SAMD3: variants seen among roughly 807,000 people sequenced by gnomAD.
SAMD3 encodes sterile alpha motif domain-containing protein 3.
A neutral mutation model predicts 58.5 loss-of-function variants in SAMD3; 63 were observed. The ratio of observed to expected loss-of-function variants is 1.08; its 90% CI spans 0.88 to 1.33. The LOEUF (loss-of-function observed/expected upper bound fraction) is 1.33. Among genes scored for constraint, SAMD3 ranks in the 40% most tolerant of loss-of-function variants. The pLI, the probability that SAMD3 is intolerant of heterozygous loss-of-function variation, is 0.00. For missense variants in SAMD3, 604 were observed against 608.4 expected, an observed-to-expected ratio of 0.99 and a Z score of 0.08; for synonymous variants, 220 against 210.3, an observed-to-expected ratio of 1.05 and a Z score of -0.40.
At chr6:130,224,675 A>G (rs138153645), upstream of SAMD3, among the ~76,000 whole-genome samples, 6,550 of 151,142 alleles carry the variant, frequency 0.043, 465 homozygotes, top group African/African-American at 0.15. Flanking sequence ...CTGGAGTGTA[A>G]TGGCACGATC....
At chr6:130,274,693 G>C (rs1381324650) in intron 2 of SAMD3, among the ~76,000 whole-genome samples, 2 of 151,862 alleles carry the variant, frequency 1.3e-5, no homozygotes, top group Non-Finnish European at 2.9e-5. Flanking sequence ...GTTCATCTGA[G>C]CACTGCAACT....
chr6:130,173,561 A>G (rs1052891654), intron 8 of SAMD3, among the ~76,000 whole-genome samples: 5 of 152,238 alleles, frequency 3.3e-5, no homozygotes, highest in Non-Finnish European at 7.3e-5. Context: ...GCTTCGTCCC[A>G]GAGGGGCACT....
At chr6:130,161,203 G>A (rs990010716) in intron 8 of SAMD3, 10 of 152,198 alleles carry the variant, frequency 6.6e-5, no homozygotes, top group African/African-American at 2.4e-4. Flanking sequence ...AGTTAACAGT[G>A]TTTATTTTGT....
intron 2 of SAMD3, among the ~76,000 whole-genome samples, chr6:130,270,643 G>T (rs6918983): frequency 0.31 from 47,287 of 152,010 alleles, 7,735 homozygotes; most frequent in East Asian, 0.47. Flanking sequence ...TTTTCAGAAA[G>T]TAATCTCCCC....
At chr6:130,217,558 C>T (rs1796067132) in intron 1 of SAMD3, among the ~76,000 whole-genome samples, 1 of 152,136 alleles carries the variant, frequency 6.6e-6, no homozygotes, top group Non-Finnish European at 1.5e-5. Flanking sequence ...GGTAAGACTT[C>T]AGCTAAAGCA....
At chr6:130,169,573 A>T (rs1201989675) in intron 8 of SAMD3, among the ~76,000 whole-genome samples, 1 of 152,144 alleles carries the variant, frequency 6.6e-6, no homozygotes, top group South Asian at 2.1e-4. Context: ...TTCCATTACC[A>T]TTTAACTGCT....
chr6:130,153,173 T>G (rs938172177), intron 9 of SAMD3, among the ~76,000 whole-genome samples: 4 of 150,064 alleles, frequency 2.7e-5, no homozygotes, highest in African/African-American at 9.7e-5. Context: ...ACCGTAAGTT[T>G]GACAGGCTTT....
intron 1 of SAMD3, among the ~76,000 whole-genome samples, chr6:130,352,490 T>C (rs557612134): frequency 5.1e-4 from 77 of 152,228 alleles, no homozygotes; most frequent in African/African-American, 1.7e-3. Flanking sequence ...CTGTTTATGA[T>C]TGCAAATTAC....
chr6:130,293,738 T>C (rs1390490267), intron 2 of SAMD3, among the ~76,000 whole-genome samples: 3 of 151,458 alleles, frequency 2.0e-5, no homozygotes, highest in Non-Finnish European at 4.4e-5. Context: ...AGTGAGTGGA[T>C]TGTGTCACCA....
chr6:130,192,370 C>A (rs1462332043), intron 5 of SAMD3, among the ~76,000 whole-genome samples: 1 of 152,158 alleles, frequency 6.6e-6, no homozygotes, highest in Non-Finnish European at 1.5e-5. Context: ...ACATACACAT[C>A]CAGATGGCCG....
At chr6:130,320,238 G>T (rs577415087) in intron 1 of SAMD3, among the ~76,000 whole-genome samples, 33 of 152,158 alleles carry the variant, frequency 2.2e-4, no homozygotes, top group African/African-American at 7.7e-4. Context: ...AAAGAAATGG[G>T]GGAAATCTGA....
chr6:130,344,785 G>A (rs1259420479), intron 1 of SAMD3, among the ~76,000 whole-genome samples: 6 of 138,178 alleles, frequency 4.3e-5, no homozygotes, highest in African/African-American at 1.4e-4. Context: ...AGGAGAGGGG[G>A]TAGAAGTGAA....
chr6:130,360,270 T>A (rs191928714), intron 1 of SAMD3, among the ~76,000 whole-genome samples: 3 of 152,248 alleles, frequency 2.0e-5, no homozygotes, highest in African/African-American at 4.8e-5. Context: ...CGTTTTCTCA[T>A]GTTCCAAAAG....
At chr6:130,221,096 T>A (rs571033885) in intron 1 of SAMD3, among the ~76,000 whole-genome samples, 7 of 152,066 alleles carry the variant, frequency 4.6e-5, no homozygotes, top group Middle Eastern at 3.4e-3. Context: ...CCTTGTGATC[T>A]GCCCACCTTG....
chr6:130,177,202 A>T (rs1269574967), intron 7 of SAMD3, among the ~76,000 whole-genome samples: 2 of 152,142 alleles, frequency 1.3e-5, no homozygotes, highest in African/African-American at 4.8e-5. Context: ...GCAAGTTCCC[A>T]TGTGATGCTG....
intron 1 of SAMD3, among the ~76,000 whole-genome samples, chr6:130,338,567 G>C (rs1202425090): frequency 6.6e-6 from 1 of 152,184 alleles, no homozygotes; most frequent in Non-Finnish European, 1.5e-5. Flanking sequence ...GCAGCCTCAG[G>C]GGCTGAATCC....
intron 2 of SAMD3, among the ~76,000 whole-genome samples, chr6:130,251,697 T>A (rs1007765307): frequency 6.6e-6 from 1 of 152,184 alleles, no homozygotes; most frequent in African/African-American, 2.4e-5. Context: ...GAAGATTTCT[T>A]TCTAGGCTTT....
intron 1 of SAMD3, among the ~76,000 whole-genome samples, chr6:130,362,674 G>A (rs567289923): frequency 1.3e-5 from 2 of 152,020 alleles, no homozygotes; most frequent in African/African-American, 4.8e-5. Context: ...CTAACAAGGA[G>A]GTATCTGATT....
chr6:130,188,012 A>G (rs973885441), intron 5 of SAMD3, among the ~76,000 whole-genome samples: 8 of 152,072 alleles, frequency 5.3e-5, no homozygotes, highest in Non-Finnish European at 1.0e-4. Context: ...TATTTGCAAT[A>G]AAATAAAACT....
Sources: gnomAD v4.1 joint callset for allele counts (sites outside exome capture counted in the v4.1 genomes callset) on GRCh38, gnomAD v4.1.1 for gene constraint, MANE v1.5 for transcripts, NCBI Gene and HGNC (gene_info 2026-07-23, HGNC 2026-07-21) for gene names.